PSD3: variants seen among roughly 807,000 people sequenced by gnomAD.
PSD3 encodes the protein PH and SEC7 domain-containing protein 3.
PSD3 carries 49 observed loss-of-function variants against 105.5 expected under a neutral mutation model. The observed-to-expected ratio is 0.46, with a 90% CI of 0.37 to 0.59. PSD3 has a LOEUF of 0.59. Ranked by LOEUF, PSD3 falls within the 20% of genes least tolerant of loss-of-function variation. The pLI is 0.00. For missense variants in PSD3, 1,561 were observed against 1,263.8 expected, an observed-to-expected ratio of 1.24 and a Z score of -3.57; for synonymous variants, 557 against 457.8, an observed-to-expected ratio of 1.22 and a Z score of -2.77.
At position 18,939,662 on chromosome 8, in the gene PSD3, A is replaced by G. The variant is rs1302069925; in HGVS notation, c.22-3520T>C. Among the ~76,000 whole-genome samples, 10 of 152,172 alleles carry G rather than the reference A, an allele frequency of 6.6e-5. No homozygotes were observed. In the East Asian group the frequency reaches 1.5e-3, roughly 23 times the overall value. ...CACAAATGTAATATTTTGGTAGCCA[A>G]TCAAATTGGTTTCTTTTGCAACTCT... On this transcript the variant is annotated intron_variant, in intron 1 of 15. Transcript: ENST00000327040.
At chr8:18,749,821 TGAG>T (rs1163341764) in intron 9 of PSD3, among the ~76,000 whole-genome samples, 1 of 152,122 alleles carries the variant, frequency 6.6e-6, no homozygotes, top group Non-Finnish European at 1.5e-5. Flanking sequence ...CGCTAGAAGC[TGAG>T]GAGGACCCCT....
chr8:19,071,885 T>A (rs1293869318), intron 1 of PSD3, among the ~76,000 whole-genome samples: 2 of 152,004 alleles, frequency 1.3e-5, no homozygotes, highest in Non-Finnish European at 2.9e-5. Flanking sequence ...AATTTTTGTA[T>A]TTTTAGTAGA....
chr8:18,777,385 AC>A (rs1808204190), intron 8 of PSD3, among the ~76,000 whole-genome samples: 1 of 152,130 alleles, frequency 6.6e-6, no homozygotes. Flanking sequence ...ATTTCTGTTG[AC>A]CTTTTAAATT....
chr8:18,869,222 C>A (rs1817164608), intron 3 of PSD3, among the ~76,000 whole-genome samples: 1 of 132,420 alleles, frequency 7.6e-6, no homozygotes, highest in Non-Finnish European at 1.5e-5. Context: ...TGCAGTCTAA[C>A]TCTATCACCT....
rs528679351 is a variant in PSD3 at position 18,681,446 on chromosome 8, CAAAAAAAAAAA to C, written c.2173-25772_2173-25762del. 4.7e-4 allele frequency among the ~76,000 whole-genome samples: 29 copies of C among 62,266 alleles called. 1 individual carries two copies. The highest frequency in any genetic ancestry group is 2.0e-3 in the Admixed American group (11 of 5,440). The allele number at this position is 62,266 out of a possible 152,430, so 40.8% of individuals were successfully genotyped here. On this transcript the variant is annotated intron_variant, in intron 9 of 15. Coordinates refer to ENST00000327040, the MANE Select transcript of PSD3 (RefSeq NM_015310.4). ...ACATACTGAGACATTGTTTCTGTTT[CAAAAAAAAAAA>C]AAAAAAAAAAAGAAGAGGAGGAAGA...
rs192749629 is a variant in PSD3, at chr8:18,837,200, G to C, written c.1634+30474C>G. Among the ~76,000 whole-genome samples the C allele has an allele frequency of 1.1e-3, 163 of 152,170 alleles. 1 individual carries two copies. Among genetic ancestry groups the C allele is most frequent in the Non-Finnish European group, 1.3e-4 (9 of 68,012 alleles). ...ATCACATGCAAAAACTCAAGATCCA[G>C]ACAGTATAAGATAGACAGCGAATGT... is the stretch of plus-strand genomic sequence containing the variant. On this transcript the variant is annotated intron_variant, in intron 4 of 15. Transcript: ENST00000327040.
chr8:18,933,518 A>G (rs983095157), intron 2 of PSD3, among the ~76,000 whole-genome samples: 1 of 152,192 alleles, frequency 6.6e-6, no homozygotes, highest in Non-Finnish European at 1.5e-5. Context: ...TCCAGGCTGA[A>G]GTGCAGTGGC....
At chr8:18,875,009 C>T (rs953533597) in intron 2 of PSD3, among the ~76,000 whole-genome samples, 1 of 152,136 alleles carries the variant, frequency 6.6e-6, no homozygotes. Context: ...TCGAACTCCT[C>T]GGCTCAAGTG....
intron 2 of PSD3, among the ~76,000 whole-genome samples, 193 bp from the exon 3 acceptor site, chr8:18,872,926 C>T (rs1327596287): frequency 1.3e-5 from 2 of 152,172 alleles, no homozygotes; most frequent in Middle Eastern, 3.2e-3. Context: ...TCAGCCTACG[C>T]GAGTATAACC....
At chr8:19,007,324 T>G (rs1468911763) in intron 1 of PSD3, among the ~76,000 whole-genome samples, 1 of 151,994 alleles carries the variant, frequency 6.6e-6, no homozygotes, top group Non-Finnish European at 1.5e-5. Context: ...AAAAAGCACT[T>G]TTGCTGTAAA....
At chr8:18,950,191 A>C (rs1347565647) in intron 1 of PSD3, among the ~76,000 whole-genome samples, 1 of 152,242 alleles carries the variant, frequency 6.6e-6, no homozygotes, top group African/African-American at 2.4e-5. Flanking sequence ...TTTGTAATGA[A>C]TATTCAAAGA....
At chr8:19,039,306 G>C (rs888377037) in intron 1 of PSD3, among the ~76,000 whole-genome samples, 1 of 152,078 alleles carries the variant, frequency 6.6e-6, no homozygotes, top group Non-Finnish European at 1.5e-5. Context: ...GCATGTATCT[G>C]TGCTCATTTC....
chr8:19,017,351 G>A (rs1238170687), upstream of PSD3, among the ~76,000 whole-genome samples: 1 of 152,064 alleles, frequency 6.6e-6, no homozygotes, highest in East Asian at 1.9e-4. Flanking sequence ...GCCCAGCCTG[G>A]CTACATACTC....
chr8:18,953,748 A>AAAAAG (rs529671688), intron 1 of PSD3, among the ~76,000 whole-genome samples: 5 of 133,508 alleles, frequency 3.7e-5, no homozygotes, highest in Non-Finnish European at 8.6e-5. Flanking sequence ...CTCCATCTCA[A>AAAAAG]AAAAGAAAAG....
At position 18,793,954 on chromosome 8, in the gene PSD3, G is replaced by T. The variant is rs1243409930; in HGVS notation, c.2082+5341C>A. 5.5e-4 allele frequency among the ~76,000 whole-genome samples: 8 copies of T among 14,432 alleles called. 4 individuals are homozygous for T. Among genetic ancestry groups the T allele is most frequent in the Non-Finnish European group, 3.3e-3 (8 of 2,410 alleles). 9.5% of individuals were successfully genotyped at this position (14,432 alleles called of 152,430 possible). The stretch of plus-strand genomic sequence containing the variant: ...AAAATAGCACAATATGAAGCTGTGG[G>T]GAAAAGCAAGAGAGATCAGATTGTT... On this transcript the variant is annotated intron_variant, in intron 8 of 15. Transcript: ENST00000327040.
At chr8:18,619,752 G>T (rs1391667739) in intron 11 of PSD3, among the ~76,000 whole-genome samples, 1 of 152,070 alleles carries the variant, frequency 6.6e-6, no homozygotes, top group Non-Finnish European at 1.5e-5. Flanking sequence ...GGTATAACGT[G>T]GCTTACTCCC....
chr8:18,890,323 T>C (rs1337720234), intron 2 of PSD3, among the ~76,000 whole-genome samples: 1 of 152,182 alleles, frequency 6.6e-6, no homozygotes, highest in Non-Finnish European at 1.5e-5. Context: ...ATTTAAGGCT[T>C]ATAAAAATTG....
At chr8:18,881,871 G>A (rs1353677448) in intron 2 of PSD3, among the ~76,000 whole-genome samples, 2 of 152,206 alleles carry the variant, frequency 1.3e-5, no homozygotes, top group Non-Finnish European at 2.9e-5. Flanking sequence ...TTTTGTTGAA[G>A]CAATCAATTA....
intron 9 of PSD3, among the ~76,000 whole-genome samples, chr8:18,752,626 T>TATATATTATATATAATACATATA (rs1805687056): frequency 1.4e-5 from 1 of 73,040 alleles, no homozygotes; most frequent in Non-Finnish European, 2.2e-5. Context: ...TAATATATAT[T>TATATATTATATATAATACATATA]ATATATAATA....
Sources: allele counts gnomAD v4.1 joint callset (sites outside exome capture counted in the v4.1 genomes callset), GRCh38; gene constraint gnomAD v4.1.1; transcripts MANE v1.5; gene names NCBI Gene and HGNC (gene_info 2026-07-23, HGNC 2026-07-21).